Variants in DHRSX observed in about 807,000 individuals in gnomAD.
DHRSX encodes the protein polyprenol dehydrogenase.
DHRSX carries 31 observed loss-of-function variants against 34.0 expected under a neutral mutation model. The ratio of observed to expected loss-of-function variants is 0.91; its 90% CI spans 0.69 to 1.23. The LOEUF (loss-of-function observed/expected upper bound fraction) is 1.23, where lower values mean the gene tolerates loss of function less well. Among genes scored for constraint, DHRSX ranks in the 50% most tolerant of loss-of-function variants. DHRSX has a pLI of 0.00. For synonymous variants in DHRSX, 201 were observed against 183.8 expected, an observed-to-expected ratio of 1.09 and a Z score of -0.76; for missense variants, 414 against 428.1, an observed-to-expected ratio of 0.97 and a Z score of 0.29.
intron 1 of DHRSX, among the ~76,000 whole-genome samples, chrX:2,492,690 G>A (rs1168993359): frequency 2.0e-5 from 3 of 147,796 alleles, no homozygotes; most frequent in Non-Finnish European, 3.0e-5. Context: ...AGACTAGAGT[G>A]ATGATGTGGC....
chrX:2,448,304 C>G (rs1313538932), intron 1 of DHRSX, among the ~76,000 whole-genome samples: 1 of 152,064 alleles, frequency 6.6e-6, no homozygotes, highest in Non-Finnish European at 1.5e-5. Context: ...CTGCACTCCA[C>G]CGTGGGTGAT....
At chrX:2,226,919 T>C (rs2015678179) in intron 6 of DHRSX, among the ~76,000 whole-genome samples, 1 of 146,776 alleles carries the variant, frequency 6.8e-6, no homozygotes. Context: ...TCAGAGTCGC[T>C]TTTGTTAGAG....
intron 4 of DHRSX, among the ~76,000 whole-genome samples, chrX:2,277,137 A>G (rs868587700): frequency 2.7e-3 from 43 of 15,672 alleles, no homozygotes; most frequent in Non-Finnish European, 3.9e-3. Flanking sequence ...AGGGAGAGAG[A>G]AGGAAGAGGA....
At chrX:2,243,798 T>TTTGTTTGTTTTG (rs2016208170) in intron 5 of DHRSX, among the ~76,000 whole-genome samples, 3 of 93,822 alleles carry the variant, frequency 3.2e-5, no homozygotes, top group African/African-American at 1.4e-4. Context: ...GTTTTTTTTT[T>TTTGTTTGTTTTG]TTTTTTTTTT....
chrX:2,267,047 AG>A, intron 4 of DHRSX, 100 bp from the exon 5 acceptor site: 1 of 1,243,648 alleles, frequency 8.0e-7, no homozygotes, highest in Non-Finnish European at 1.2e-6. Context: ...AGGACATCGG[AG>A]GGTGGGGTGT....
chrX:2,370,233 G>A (rs191909506), intron 3 of DHRSX, among the ~76,000 whole-genome samples: 1 of 151,580 alleles, frequency 6.6e-6, no homozygotes, highest in Non-Finnish European at 1.5e-5. Context: ...GTGCAGTGGC[G>A]CAATCTCGGC....
intron 1 of DHRSX, among the ~76,000 whole-genome samples, chrX:2,440,481 C>A: frequency 6.6e-6 from 1 of 151,650 alleles, no homozygotes. Flanking sequence ...GGATTACAAG[C>A]AGAAGATGCC....
chrX:2,413,936 C>T (rs775108882), intron 2 of DHRSX, among the ~76,000 whole-genome samples: 1 of 151,564 alleles, frequency 6.6e-6, no homozygotes, highest in African/African-American at 2.4e-5. Context: ...CTAATACAAA[C>T]AGGTATCTTT....
At chrX:2,385,797 A>T (rs914828444) in intron 3 of DHRSX, among the ~76,000 whole-genome samples, 3 of 152,160 alleles carry the variant, frequency 2.0e-5, no homozygotes, top group Non-Finnish European at 4.4e-5. Context: ...TGGTAAGTAG[A>T]ACCAGCCGAT....
chrX:2,414,155 T>C (rs1374698388), intron 2 of DHRSX, among the ~76,000 whole-genome samples: 1 of 151,694 alleles, frequency 6.6e-6, no homozygotes, highest in Non-Finnish European at 1.5e-5. Context: ...TGACTGACTA[T>C]GACTAGATTT....
rs184221112 is a variant in DHRSX, at chrX:2,454,913, G to A, written c.110-29609C>T. ...GGATTACCTGAGGTCCGGAGTTCAA[G>A]ACCAGCCTGTCCAACATGGAGAAAC... On this transcript the variant is annotated intron_variant, in intron 1 of 6. Transcript: ENST00000334651. Among the ~76,000 whole-genome samples, 74 of 152,130 alleles carry A rather than the reference G, an allele frequency of 4.9e-4. 1 individual carries two copies. In the East Asian group the frequency reaches 0.014, roughly 28 times the overall value.
chrX:2,295,360 G>A (rs1299928937), intron 3 of DHRSX, among the ~76,000 whole-genome samples: 1 of 152,232 alleles, frequency 6.6e-6, no homozygotes, highest in African/African-American at 2.4e-5. Flanking sequence ...TCACTCATCA[G>A]TGGAAGTTGA....
At chrX:2,475,174 C>G (rs972576403) in intron 1 of DHRSX, among the ~76,000 whole-genome samples, 1 of 151,158 alleles carries the variant, frequency 6.6e-6, no homozygotes, top group African/African-American at 2.4e-5. Flanking sequence ...GCTAAGGGAC[C>G]TCCGCCATGT....
intron 1 of DHRSX, among the ~76,000 whole-genome samples, chrX:2,449,146 A>ATG (rs2044181820): frequency 6.6e-6 from 1 of 151,568 alleles, no homozygotes; most frequent in Non-Finnish European, 1.5e-5. Flanking sequence ...CTAAGATCGC[A>ATG]CCACTGCACT....
At position 2,455,186 on chromosome X, in the gene DHRSX, T is replaced by G. The variant is rs190605918; in HGVS notation, c.110-29882A>C. On this transcript the variant is annotated intron_variant, in intron 1 of 6. Transcript: ENST00000334651. ...TGGAGGCCATTATCCTTAGCAAACT[T>G]ACACAGCAACAGAAGACAAAATACC... Among the ~76,000 whole-genome samples, 654 of 151,706 alleles carry G rather than the reference T, an allele frequency of 4.3e-3. 2 individuals are homozygous for G. The highest frequency in any genetic ancestry group is 0.015 in the African/African-American group (622 of 41,336).
chrX:2,307,549 G>C (rs922086543), intron 3 of DHRSX, among the ~76,000 whole-genome samples: 2 of 151,896 alleles, frequency 1.3e-5, no homozygotes, highest in Admixed American at 1.3e-4. Context: ...GGATCACGAG[G>C]GGTCAGGAGA....
chrX:2,344,460 C>G (rs2042676361), intron 3 of DHRSX, among the ~76,000 whole-genome samples: 1 of 151,774 alleles, frequency 6.6e-6, no homozygotes, highest in Admixed American at 6.6e-5. Context: ...GAATCCAGAA[C>G]CAGAAATACT....
chrX:2,485,051 T>TG (rs907261194), intron 1 of DHRSX, among the ~76,000 whole-genome samples: 6 of 151,842 alleles, frequency 4.0e-5, no homozygotes, highest in African/African-American at 1.2e-4. Context: ...TTCTGCAAAG[T>TG]GGGGGGGAAA....
chrX:2,360,538 G>T (rs752546031), intron 3 of DHRSX, among the ~76,000 whole-genome samples: 789 of 152,112 alleles, frequency 5.2e-3, no homozygotes, highest in Non-Finnish European at 8.4e-3. Context: ...AGCCAAGATC[G>T]CGCCACTGCA....
Sources: allele counts gnomAD v4.1 joint callset (sites outside exome capture counted in the v4.1 genomes callset), GRCh38; gene constraint gnomAD v4.1.1; transcripts MANE v1.5; gene names NCBI Gene and HGNC (gene_info 2026-07-23, HGNC 2026-07-21).